The following PLEKHG3 variants were observed in gnomAD, a reference collection of about 807,000 sequenced individuals.
PLEKHG3 encodes pleckstrin homology domain-containing family G member 3.
PLEKHG3 carries 62 observed loss-of-function variants against 94.9 expected under a neutral mutation model. That is an observed-to-expected ratio of 0.65 (90% CI 0.53 to 0.81). The LOEUF (loss-of-function observed/expected upper bound fraction) is 0.81. PLEKHG3 is among the 30% of genes least tolerant of loss of function. The pLI, the probability that PLEKHG3 is intolerant of heterozygous loss-of-function variation, is 0.00. For missense variants in PLEKHG3, 1,461 were observed against 1,619.3 expected (o/e 0.90, Z 1.68); for synonymous variants, 614 against 654.0 (o/e 0.94, Z 0.93).
At position 64,741,802 on chromosome 14, in the gene PLEKHG3, G is replaced by A. The variant is rs758582052; in HGVS notation, c.2285G>A (p.Arg762Gln). 10 of 1,613,532 alleles carry A rather than the reference G, an allele frequency of 6.2e-6. No homozygotes were observed. Among genetic ancestry groups the A allele is most frequent in the Admixed American group, 3.3e-5 (2 of 60,024 alleles). ...NSISRFNSLP[R>Q]PDPEPVPPVG... ...ATCTCCAGGTTCAACAGCCTTCCCC[G>A]GCCAGACCCAGAGCCAGTACCTCCA... Residue 762 changes from arginine (R) to glutamine (Q), a missense_variant, in exon 16 of 17, where the codon CGG becomes CAG. By Grantham distance (43) the Arg-to-Gln change is conservative (BLOSUM62 1). Transcript: ENST00000247226.
At position 64,742,412 on chromosome 14, in the gene PLEKHG3, G is replaced by A; in HGVS notation, c.2895G>A (p.Val965=). The change falls in exon 16 of 17, where the codon GTG becomes GTA. Residue 965 remains valine (V), a synonymous_variant. Coordinates refer to ENST00000247226, the MANE Select transcript of PLEKHG3 (RefSeq NM_001308147.2). ...AGAGGGATGGGAAGAGCCCCACTGT[G>A]CCCTGTCTACAGGAAGAGGCTGGAG... is the stretch of plus-strand genomic sequence containing the variant. The part of the protein sequence containing the change: ...APERDGKSPT[V]PCLQEEAGEP... 6.2e-7 allele frequency: 1 copy of A among 1,612,508 alleles called. No homozygotes were observed. Among genetic ancestry groups the A allele is most frequent in the Non-Finnish European group, 8.5e-7 (1 of 1,179,874 alleles).
Position 64,720,244 on chromosome 14 carries a change from G to A in PLEKHG3, c.-39-7349G>A, listed in dbSNP as rs1258073873. Among the ~76,000 whole-genome samples the A allele has an allele frequency of 6.6e-6, 1 of 152,204 alleles. No homozygotes were observed. The highest frequency in any genetic ancestry group is 1.5e-5 in the Non-Finnish European group (1 of 68,038). The stretch of plus-strand genomic sequence containing the variant: ...CTTGTGGCTGGTCACCTAGTATGTA[G>A]CCCAGCGGGGCAGCTATGCCGTGCT... On this transcript the variant is annotated intron_variant, in intron 1 of 16. Coordinates refer to ENST00000247226, the MANE Select transcript of PLEKHG3 (RefSeq NM_001308147.2). The surrounding 1 kb of genome is among the most constrained non-coding windows in gnomAD (Gnocchi z 4.1).
rs1470573772 is a variant in PLEKHG3, at chr14:64,722,344, G to A, written c.-39-5249G>A. On this transcript the variant is annotated intron_variant, in intron 1 of 16. Coordinates refer to ENST00000247226, the MANE Select transcript of PLEKHG3 (RefSeq NM_001308147.2). The surrounding 1 kb of genome is among the most constrained non-coding windows in gnomAD (Gnocchi z 4.3). ...CTGCCTCAGCCTCGCGAGTAGCTGG[G>A]ATTACAGGTGCATGCCACCACACCC... is the stretch of plus-strand genomic sequence containing the variant. Among the ~76,000 whole-genome samples, 3 of 152,176 alleles carry A rather than the reference G, an allele frequency of 2.0e-5. No homozygotes were observed. The highest frequency in any genetic ancestry group is 4.4e-5 in the Non-Finnish European group (3 of 68,028).
chr14:64,741,915 C>T lies in PLEKHG3; in HGVS notation c.2398C>T (p.Pro800Ser), dbSNP rs758680564. Residue 800 changes from proline (P) to serine (S), a missense_variant, in exon 16 of 17, where the codon CCA (proline) becomes TCA (serine). Coordinates refer to ENST00000247226, the MANE Select transcript of PLEKHG3 (RefSeq NM_001308147.2). ...ACCAAGCCAGGCAGTCAAAGGGGAC[C>T]CACCTCCCATCTCAGATGCTGAGTT... is the stretch of plus-strand genomic sequence containing the variant. ...PGPSQAVKGDPPPISDAEFRP... is the reference protein window; with the variant it reads ...PGPSQAVKGDSPPISDAEFRP... 1 of 1,592,522 alleles carries T rather than the reference C, an allele frequency of 6.3e-7. No individual in the cohort carries two copies. The highest frequency in any genetic ancestry group is 8.5e-7 in the Non-Finnish European group (1 of 1,170,694).
intron 3 of PLEKHG3, among the ~76,000 whole-genome samples, chr14:64,729,982 G>C (rs961536786): frequency 8.5e-5 from 13 of 152,210 alleles, no homozygotes; most frequent in African/African-American, 2.9e-4. Flanking sequence ...CCCTCCCGAG[G>C]TGGGTATGGG....
intron 13 of PLEKHG3, 196 bp downstream of exon 13, chr14:64,737,087 T>C: frequency 1.5e-6 from 1 of 664,376 alleles, no homozygotes; most frequent in Non-Finnish European, 2.8e-6. Flanking sequence ...CTCTCCCCCA[T>C]GCACAGGCCT....
At position 64,732,225 on chromosome 14, in the gene PLEKHG3, C is replaced by A. The variant is rs571047394; in HGVS notation, c.1212+44C>A. 3 of 1,541,538 alleles carry A rather than the reference C, an allele frequency of 1.9e-6. No individual in the cohort carries two copies. The Admixed American group carries it at 5.0e-5, about 26-fold the overall frequency. ...TGACTGTGTGCAAGGAGAATGTGCT[C>A]CTCTGAGCCAGCTCTGCAAGGTCCA... On this transcript the variant is annotated intron_variant, in intron 10 of 16. Coordinates refer to ENST00000247226, the MANE Select transcript of PLEKHG3 (RefSeq NM_001308147.2). This position sits in a 1 kb window ranked among gnomAD's most constrained non-coding sequence, Gnocchi z 4.9.
chr14:64,742,473 A>G lies in PLEKHG3; in HGVS notation c.2938+18A>G. The G allele has an allele frequency of 6.4e-7, 1 of 1,560,040 alleles. No individual in the cohort carries two copies. Among genetic ancestry groups the G allele is most frequent in the Non-Finnish European group, 8.7e-7 (1 of 1,146,890 alleles). ...TGGCAAAGGTATGACAGAAGCGGCA[A>G]GTGGGCCCTTCCCCAAGTCTAGGGA... On this transcript the variant is annotated intron_variant, in intron 16 of 16. Coordinates refer to ENST00000247226, the MANE Select transcript of PLEKHG3 (RefSeq NM_001308147.2).
chr14:64,749,189 C>T lies in PLEKHG3; in HGVS notation c.*5486C>T, dbSNP rs996925338. On this transcript the variant is annotated 3_prime_UTR_variant, in exon 17 of 17. Coordinates refer to ENST00000247226, the MANE Select transcript of PLEKHG3 (RefSeq NM_001308147.2). The surrounding 1 kb of genome is among the most constrained non-coding windows in gnomAD (Gnocchi z 4.7). The stretch of plus-strand genomic sequence containing the variant: ...CAGTGCAGCGTGGGGCCCGGGGGCC[C>T]GGCCCGCGACTCGACTCATCTCGAT... 43 of 1,299,956 alleles carry T rather than the reference C, an allele frequency of 3.3e-5. No homozygotes were observed. The highest frequency in any genetic ancestry group is 6.7e-5 in the Admixed American group (3 of 44,778). The allele number at this position is 1,299,956 out of a possible 1,614,324, so 80.5% of individuals were successfully genotyped here.
chr14:64,709,729 C>CTG (rs3063746), intron 1 of PLEKHG3, among the ~76,000 whole-genome samples: 18,554 of 143,996 alleles, frequency 0.13, 1,237 homozygotes, highest in African/African-American at 0.2. Flanking sequence ...GGCTGTGAGA[C>CTG]TGTGTGTGTG....
intron 1 of PLEKHG3, among the ~76,000 whole-genome samples, chr14:64,711,351 A>T (rs58885647): frequency 1.9e-4 from 29 of 152,164 alleles, no homozygotes; most frequent in African/African-American, 6.7e-4. Context: ...ATTCGGCTCC[A>T]CCCAAGCAGA....
chr14:64,734,012 T>G (rs1252581011), intron 12 of PLEKHG3, among the ~76,000 whole-genome samples: 1 of 152,220 alleles, frequency 6.6e-6, no homozygotes, highest in Non-Finnish European at 1.5e-5. Context: ...GTGTCCTGGC[T>G]TGGGTCCCAC....
chr14:64,707,119 T>TCCG lies in PLEKHG3; in HGVS notation c.-40+2416_-40+2418dup, dbSNP rs1169961610. On this transcript the variant is annotated intron_variant, in intron 1 of 16. Transcript: ENST00000247226. Reference sequence around the variant, plus strand: ...CAGCTGCAAGTCCACAGGCCTTTGTTCCGTGGCTGCAAACCCGCCCTACTC... The same window carrying TCCG: ...CAGCTGCAAGTCCACAGGCCTTTGTTCCGCCGTGGCTGCAAACCCGCCCTACTC... Among the ~76,000 whole-genome samples the TCCG allele has an allele frequency of 2.0e-5, 3 of 152,314 alleles. No homozygotes were observed. The East Asian group carries it at 5.8e-4, about 29-fold the overall frequency.
chr14:64,749,368 CG>C lies in PLEKHG3; in HGVS notation c.*5669del, dbSNP rs916752152. On this transcript the variant is annotated 3_prime_UTR_variant, in exon 17 of 17. Coordinates refer to ENST00000247226, the MANE Select transcript of PLEKHG3 (RefSeq NM_001308147.2). The surrounding 1 kb of genome is among the most constrained non-coding windows in gnomAD (Gnocchi z 4.7). ...TTGTCTTTCTTGCCGAGGCTGGCGT[CG>C]GGGCCGGAGAGGGAAGGCAGGGGCA... 2 of 1,610,458 alleles carry C rather than the reference CG, an allele frequency of 1.2e-6. No homozygotes were observed. Among genetic ancestry groups the C allele is most frequent in the Non-Finnish European group, 8.5e-7 (1 of 1,179,704 alleles).
chr14:64,734,759 C>T (rs1466102653), intron 12 of PLEKHG3, among the ~76,000 whole-genome samples: 4 of 136,236 alleles, frequency 2.9e-5, no homozygotes, highest in African/African-American at 5.3e-5. Context: ...CCTTGTCTGT[C>T]ACCCAGGCTG....
Position 64,743,240 on chromosome 14 carries a change from C to T in PLEKHG3, c.3197C>T (p.Ala1066Val), listed in dbSNP as rs745470391. The change falls in exon 17 of 17, where the codon GCA (alanine) becomes GTA (valine). Residue 1066 changes from alanine to valine, a missense_variant. By Grantham distance (64) the Ala-to-Val change is moderately conservative. This residue lies in a region of PLEKHG3 where 1,201 missense variants were observed against 1,295.5 expected (regional missense o/e 0.93). Coordinates refer to ENST00000247226, the MANE Select transcript of PLEKHG3 (RefSeq NM_001308147.2). This position sits in a 1 kb window ranked among gnomAD's most constrained non-coding sequence, Gnocchi z 7.2. ...GCCTCCCGCGATGAGGCACGCCGAG[C>T]AGGGGGCGGCCGGCCCCGCGGCCCA... is the stretch of plus-strand genomic sequence containing the variant. ...KYASRDEARRAGGGRPRGPPV... is the reference protein window; with the variant it reads ...KYASRDEARRVGGGRPRGPPV... The T allele has an allele frequency of 3.1e-6, 5 of 1,607,178 alleles. No homozygotes were observed. The highest frequency in any genetic ancestry group is 4.2e-6 in the Non-Finnish European group (5 of 1,178,866).
chr14:64,707,934 C>A (rs964521690), intron 1 of PLEKHG3, among the ~76,000 whole-genome samples: 1 of 152,176 alleles, frequency 6.6e-6, no homozygotes, highest in African/African-American at 2.4e-5. Context: ...AGTGAGATAA[C>A]GTATGTTGAA....
At position 64,721,839 on chromosome 14, in the gene PLEKHG3, C is replaced by T. The variant is rs917595924; in HGVS notation, c.-39-5754C>T. Reference sequence around the variant, plus strand: ...AGCAGTGGGAACACACAGGCAAGAGCTGGGCCTCTGGGGACAGTTTGGGAG... The same window carrying T: ...AGCAGTGGGAACACACAGGCAAGAGTTGGGCCTCTGGGGACAGTTTGGGAG... On this transcript the variant is annotated intron_variant, in intron 1 of 16. Coordinates refer to ENST00000247226, the MANE Select transcript of PLEKHG3 (RefSeq NM_001308147.2). This position sits in a 1 kb window ranked among gnomAD's most constrained non-coding sequence, Gnocchi z 4.3. Among the ~76,000 whole-genome samples the T allele has an allele frequency of 1.3e-5, 2 of 152,062 alleles. No individual in the cohort carries two copies. Among genetic ancestry groups the T allele is most frequent in the African/African-American group, 4.8e-5 (2 of 41,402 alleles).
intron 1 of PLEKHG3, among the ~76,000 whole-genome samples, chr14:64,709,902 G>C (rs181681791): frequency 1.3e-5 from 2 of 152,272 alleles, no homozygotes; most frequent in African/African-American, 4.8e-5. Context: ...TGTGTGACGA[G>C]ACCTTAGGAA....
Sources: gnomAD v4.1 joint callset for allele counts (sites outside exome capture counted in the v4.1 genomes callset) on GRCh38, gnomAD v4.1.1 for gene constraint, gnomAD v4.1.1 regional missense constraint, Gnocchi (gnomAD v3.1) non-coding constraint, MANE v1.5 for transcripts, NCBI Gene and HGNC (gene_info 2026-07-23, HGNC 2026-07-21) for gene names.